Variants in CYP11A1 observed in about 807,000 individuals in gnomAD.
The protein encoded by CYP11A1 is cytochrome P450 family 11 subfamily A member 1.
CYP11A1 carries 25 observed loss-of-function variants against 51.9 expected under a neutral mutation model. The ratio of observed to expected loss-of-function variants is 0.48; its 90% CI spans 0.35 to 0.67. The LOEUF (loss-of-function observed/expected upper bound fraction) is 0.67. Among genes scored for constraint, CYP11A1 ranks in the 30% least tolerant of loss-of-function variants. CYP11A1 has a pLI of 0.00. For missense variants in CYP11A1, 578 were observed against 680.9 expected, an observed-to-expected ratio of 0.85 and a Z score of 1.68; for synonymous variants, 245 against 262.1, an observed-to-expected ratio of 0.93 and a Z score of 0.63.
intron 1 of CYP11A1, among the ~76,000 whole-genome samples, chr15:74,351,460 C>CA (rs939784330): frequency 5.9e-5 from 9 of 152,064 alleles, no homozygotes; most frequent in African/African-American, 1.2e-4. Flanking sequence ...TAGCTAAGGA[C>CA]AAAAAAAGCC....
intron 1 of CYP11A1, chr15:74,363,742 C>T (rs1179097030): frequency 6.6e-6 from 1 of 152,198 alleles, no homozygotes; most frequent in African/African-American, 2.4e-5. Context: ...CATGAGGACA[C>T]CATAACCTAT....
At position 74,339,620 on chromosome 15, in the gene CYP11A1, G is replaced by C. The variant is rs559297406; in HGVS notation, c.1124C>G (p.Pro375Arg). The change falls in exon 6 of 9, where the codon CCC (proline) becomes CGC (arginine). Residue 375 changes from proline to arginine, a missense_variant. Pro to Arg is a moderately radical substitution (Grantham distance 103, BLOSUM62 -2). Coordinates refer to ENST00000268053, the MANE Select transcript of CYP11A1 (RefSeq NM_000781.3). ...CTCCTTGATGCTGGCTTTGAGGAGG[G>C]GGACCAGCTGTAGCATCGTGGCCAT... The part of the protein sequence containing the change: ...GDMATMLQLV[P>R]LLKASIKETL... 1 of 1,614,172 alleles carries C rather than the reference G, an allele frequency of 6.2e-7. No individual in the cohort carries two copies. Among genetic ancestry groups the C allele is most frequent in the Non-Finnish European group, 8.5e-7 (1 of 1,180,018 alleles).
intron 1 of CYP11A1, among the ~76,000 whole-genome samples, chr15:74,361,131 C>T (rs2060706658): frequency 6.6e-6 from 1 of 152,038 alleles, no homozygotes; most frequent in Non-Finnish European, 1.5e-5. Context: ...ATTGTCTTTC[C>T]TAATGCCTGG....
intron 1 of CYP11A1, chr15:74,365,979 G>A: frequency 1.0e-6 from 1 of 983,426 alleles, no homozygotes; most frequent in Non-Finnish European, 1.2e-6. Context: ...CCTAGGACCT[G>A]CGGTGGGGCC....
chr15:74,344,573 G>T (rs1169652927), intron 3 of CYP11A1, among the ~76,000 whole-genome samples: 1 of 152,156 alleles, frequency 6.6e-6, no homozygotes, highest in Non-Finnish European at 1.5e-5. Context: ...TGTATGTGTG[G>T]TTCCCTCTAC....
At chr15:74,362,496 T>C in intron 1 of CYP11A1, 77 of 158,322 alleles carry the variant, frequency 4.9e-4, no homozygotes, top group Admixed American at 1.3e-3. Flanking sequence ...GCTGGAAACA[T>C]CAGAGAAAGA....
intron 1 of CYP11A1, 126 bp downstream of exon 1, chr15:74,367,191 A>G (rs1289969791): frequency 1.6e-5 from 16 of 1,005,120 alleles, no homozygotes; most frequent in African/African-American, 3.3e-5. Flanking sequence ...AAAAAAAAAA[A>G]AAAAAGAAGT....
chr15:74,361,805 T>C (rs4505257), intron 1 of CYP11A1: 161,951 of 1,207,108 alleles, frequency 0.13, 13,225 homozygotes, highest in East Asian at 0.31. Flanking sequence ...AATTTGATGA[T>C]GAGAACTTCA....
At chr15:74,366,127 G>A in intron 1 of CYP11A1, 1 of 985,564 alleles carries the variant, frequency 1.0e-6, no homozygotes, top group Non-Finnish European at 1.2e-6. Flanking sequence ...AGCAGGCCGG[G>A]GGCCACGCTA....
Position 74,362,008 on chromosome 15 carries a change from G to A in CYP11A1, c.269+5309C>T, listed in dbSNP as rs1289812188. 6 of 1,486,206 alleles carry A rather than the reference G, an allele frequency of 4.0e-6. No individual in the cohort carries two copies. In the Admixed American group the frequency reaches 1.0e-4, roughly 25 times the overall value. The allele number at this position is 1,486,206 out of a possible 1,614,324, so 92.1% of individuals were successfully genotyped here. ...TTGGGTCCAGGAATGGCAAGACCAG[G>A]AAGAAGATCACCATTGCTGACTGTG... is the stretch of plus-strand genomic sequence containing the variant. On this transcript the variant is annotated intron_variant, in intron 1 of 8. Transcript: ENST00000268053.
intron 1 of CYP11A1, among the ~76,000 whole-genome samples, chr15:74,351,220 C>T (rs904857674): frequency 6.6e-6 from 1 of 151,986 alleles, no homozygotes; most frequent in Non-Finnish European, 1.5e-5. Context: ...GCGGCTGTTT[C>T]CTAGTAGCTC....
chr15:74,349,260 A>G (rs1284488045), intron 1 of CYP11A1, among the ~76,000 whole-genome samples: 1 of 152,228 alleles, frequency 6.6e-6, no homozygotes, highest in Non-Finnish European at 1.5e-5. Flanking sequence ...TAAAAATACA[A>G]CTACTAAAAA....
chr15:74,355,056 T>C (rs1371963351), intron 1 of CYP11A1, among the ~76,000 whole-genome samples: 1 of 151,876 alleles, frequency 6.6e-6, no homozygotes, highest in Non-Finnish European at 1.5e-5. Context: ...CCCTCCCTTT[T>C]CTCTCCACTT....
At chr15:74,351,354 C>A (rs911943700) in intron 1 of CYP11A1, among the ~76,000 whole-genome samples, 1 of 152,122 alleles carries the variant, frequency 6.6e-6, no homozygotes, top group African/African-American at 2.4e-5. Context: ...GGTTCCTGAT[C>A]CCTACATGCG....
At chr15:74,341,217 C>T (rs1215770184) in intron 5 of CYP11A1, among the ~76,000 whole-genome samples, 1 of 152,116 alleles carries the variant, frequency 6.6e-6, no homozygotes, top group Non-Finnish European at 1.5e-5. Flanking sequence ...CAGCTTAGGA[C>T]CCTGCCTGCC....
At chr15:74,349,772 A>C (rs2060647591) in intron 1 of CYP11A1, among the ~76,000 whole-genome samples, 1 of 152,128 alleles carries the variant, frequency 6.6e-6, no homozygotes, top group African/African-American at 2.4e-5. Context: ...GTGAACTACT[A>C]TGCTGCCTTT....
intron 4 of CYP11A1, 88 bp from the exon 5 acceptor site, chr15:74,343,225 G>A: frequency 7.1e-7 from 1 of 1,404,090 alleles, no homozygotes; most frequent in Non-Finnish European, 1.0e-6. Flanking sequence ...TGGCACCAAG[G>A]GCCTGGGGAT....
chr15:74,338,224 C>A (rs1368870309), intron 8 of CYP11A1, 121 bp from the exon 9 acceptor site: 5 of 1,168,762 alleles, frequency 4.3e-6, no homozygotes, highest in Non-Finnish European at 6.3e-6. Context: ...AGGAGTTCAC[C>A]ACCAGCTCCT....
intron 1 of CYP11A1, among the ~76,000 whole-genome samples, chr15:74,349,743 GA>G (rs923710311): frequency 2.0e-5 from 3 of 148,616 alleles, no homozygotes; most frequent in South Asian, 4.2e-4. Flanking sequence ...AAGAACCCGC[GA>G]AAAAAAAAAT....
Sources: gnomAD v4.1 joint callset for allele counts (sites outside exome capture counted in the v4.1 genomes callset) on GRCh38, gnomAD v4.1.1 for gene constraint, MANE v1.5 for transcripts, NCBI Gene and HGNC (gene_info 2026-07-23, HGNC 2026-07-21) for gene names.